Variants in PSME4 observed in about 807,000 individuals in gnomAD.
The protein encoded by PSME4 is proteasome activator complex subunit 4.
In PSME4, 89 loss-of-function variants were observed where a neutral mutation model predicts 253.9. The ratio of observed to expected loss-of-function variants is 0.35; its 90% CI spans 0.30 to 0.42. PSME4 has a LOEUF of 0.42. PSME4 is among the 10% of genes least tolerant of loss of function. The pLI is 1.00. For synonymous variants in PSME4, 851 were observed against 759.2 expected, an observed-to-expected ratio of 1.12 and a Z score of -1.99; for missense variants, 2,014 against 2,195.2, an observed-to-expected ratio of 0.92 and a Z score of 1.65.
chr2:53,931,732 C>T lies in PSME4; in HGVS notation c.1316+103G>A, dbSNP rs1174635937. On this transcript the variant is annotated intron_variant, in intron 10 of 46. Transcript: ENST00000404125. ...CTTCTCCTCTAGGAACAGGAATAAG[C>T]ATCGAAGAAGCAAAACAGAAGCCAC... 4.0e-6 allele frequency: 5 copies of T among 1,236,354 alleles called. No homozygotes were observed. In the East Asian group the frequency reaches 9.5e-5, roughly 23 times the overall value. 76.6% of individuals were successfully genotyped at this position (1,236,354 alleles called of 1,614,324 possible).
Position 53,906,604 on chromosome 2 carries a change from G to A in PSME4, c.2937C>T (p.Tyr979=). The change falls in exon 26 of 47, where the codon TAC becomes TAT. Residue 979 remains tyrosine (Y), a synonymous_variant. Transcript: ENST00000404125. ...GCGTTTGGATAAGCCTTACCTGACT[G>A]TATGAACTTGTAGATAAACGAAGAA... The part of the protein sequence containing the change: ...RDLLRLSTSS[Y]SQVRNKAQQT... The A allele has an allele frequency of 6.3e-7, 1 of 1,583,546 alleles. No homozygotes were observed.
At position 53,904,057 on chromosome 2, in the gene PSME4, C is replaced by A. The variant is rs1191714055; in HGVS notation, c.3043G>T (p.Asp1015Tyr). The A allele has an allele frequency of 6.2e-7, 1 of 1,613,588 alleles. No individual in the cohort carries two copies. The highest frequency in any genetic ancestry group is 2.2e-5 in the East Asian group (1 of 44,810). Residue 1015 changes from aspartate (D) to tyrosine (Y), a missense_variant, in exon 27 of 47, where the codon GAT becomes TAT. This residue lies in a region of PSME4 where 989 missense variants were observed against 1,021.1 expected (regional missense o/e 0.97). Transcript: ENST00000404125. ...TGTTGCTGTGTAACACCTTGTCTAT[C>A]AGGCCTTAAGAACTCCAAAACCAAG... ...IPLVLEFLRP[D>Y]RQGVTQQQFK...
In PSME4 at chr2:53,970,668, G is replaced by C. The variant is rs1026631602; in HGVS notation, c.117C>G (p.Pro39=). Reference sequence around the variant, plus strand: ...ACTCGGCGTCTAGCCGCTCCGCGTAGGGCAGCAGCTTGTTGTAGACGATCT... The same window carrying C: ...ACTCGGCGTCTAGCCGCTCCGCGTACGGCAGCAGCTTGTTGTAGACGATCT... ...QKEIVYNKLL[P]YAERLDAESD... The change falls in exon 1 of 47, where the codon CCC becomes CCG. Residue 39 remains proline (P), a synonymous_variant. Coordinates refer to ENST00000404125, the MANE Select transcript of PSME4 (RefSeq NM_014614.3). 2 of 1,550,282 alleles carry C rather than the reference G, an allele frequency of 1.3e-6. No homozygotes were observed. Among genetic ancestry groups the C allele is most frequent in the Non-Finnish European group, 1.7e-6 (2 of 1,146,902 alleles).
chr2:53,925,808 G>A (rs1668532114), intron 13 of PSME4, 119 bp from the exon 14 acceptor site: 14 of 1,261,368 alleles, frequency 1.1e-5, no homozygotes, highest in East Asian at 9.4e-5. Context: ...TAATTTCTAC[G>A]TGGTTCACAA....
intron 36 of PSME4, 142 bp from the exon 37 acceptor site, chr2:53,890,350 A>G (rs1324909416): frequency 1.6e-6 from 1 of 620,798 alleles, no homozygotes. Context: ...GCTATTGCCC[A>G]GGCTGGAGTG....
chr2:53,970,392 G>T (rs2104498437), intron 1 of PSME4, 151 bp downstream of exon 1: 2 of 1,332,038 alleles, frequency 1.5e-6, no homozygotes, highest in Non-Finnish European at 2.0e-6. Flanking sequence ...GTACTTCACA[G>T]GCTCTGTCAC....
At chr2:53,894,307 T>G (rs138448341) in intron 34 of PSME4, among the ~76,000 whole-genome samples, 4 of 152,210 alleles carry the variant, frequency 2.6e-5, no homozygotes. Context: ...GGTCTCACTC[T>G]GTCATCCAGG....
intron 36 of PSME4, among the ~76,000 whole-genome samples, chr2:53,891,873 A>G (rs1056659949): frequency 2.0e-5 from 3 of 147,872 alleles, no homozygotes; most frequent in African/African-American, 5.0e-5. Flanking sequence ...AAAAAAAAAA[A>G]GAGAAGACAG....
In PSME4 at chr2:53,953,881, C is replaced by T. The variant is rs562784102; in HGVS notation, c.243-4598G>A. 3.3e-5 allele frequency among the ~76,000 whole-genome samples: 5 copies of T among 152,284 alleles called. No homozygotes were observed. The South Asian group carries it at 1.0e-3, about 32-fold the overall frequency. On this transcript the variant is annotated intron_variant, in intron 1 of 46. Transcript: ENST00000404125. ...ATTGATATAGAATATTTCTTTCAACCATCCAGAATATATGGATAACAAGTC... is the reference window on the plus strand; with the variant it reads ...ATTGATATAGAATATTTCTTTCAACTATCCAGAATATATGGATAACAAGTC...
At chr2:53,908,480 C>G in intron 23 of PSME4, 30 bp downstream of exon 23, 1 of 1,609,560 alleles carries the variant, frequency 6.2e-7, no homozygotes, top group East Asian at 2.2e-5. Context: ...TCGTATTAAT[C>G]ATTATGCAAC....
intron 14 of PSME4, 103 bp from the exon 15 acceptor site, chr2:53,923,522 A>T (rs1462182120): frequency 7.4e-7 from 1 of 1,359,206 alleles, no homozygotes; most frequent in Admixed American, 3.3e-5. Context: ...TTCCAAAAAT[A>T]AGCCCATAGG....
In PSME4 at chr2:53,940,002, T is replaced by TG. The variant is rs746576134; in HGVS notation, c.501-3dup. 648 of 1,567,738 alleles carry TG rather than the reference T, an allele frequency of 4.1e-4. No individual in the cohort carries two copies. Among genetic ancestry groups the TG allele is most frequent in the African/African-American group, 9.4e-4 (69 of 73,670 alleles). ...GTTTTGAGAATATTTTCTACAGAACTGGGGGGGGAAAGCCATTTGATAATT... is the reference window on the plus strand; with the variant it reads ...GTTTTGAGAATATTTTCTACAGAACTGGGGGGGGGAAAGCCATTTGATAATT... On this transcript the variant is annotated splice_region_variant and splice_polypyrimidine_tract_variant and intron_variant, in intron 3 of 46. Coordinates refer to ENST00000404125, the MANE Select transcript of PSME4 (RefSeq NM_014614.3).
chr2:53,913,444 G>A (rs780968331), intron 20 of PSME4, among the ~76,000 whole-genome samples: 2 of 152,150 alleles, frequency 1.3e-5, no homozygotes, highest in Non-Finnish European at 1.5e-5. Flanking sequence ...AAGGCTGGGC[G>A]AATTGTCATG....
chr2:53,960,490 T>A (rs1017650630), intron 1 of PSME4, among the ~76,000 whole-genome samples: 1 of 151,450 alleles, frequency 6.6e-6, no homozygotes, highest in East Asian at 2.0e-4. Context: ...AATAACAGAA[T>A]AAAATGTTGT....
chr2:53,893,192 C>T (rs1057284486), intron 35 of PSME4, among the ~76,000 whole-genome samples: 3 of 151,862 alleles, frequency 2.0e-5, no homozygotes, highest in Non-Finnish European at 2.9e-5. Context: ...AAGTATCACA[C>T]CTCAAAAAAA....
intron 36 of PSME4, among the ~76,000 whole-genome samples, chr2:53,891,550 GA>G (rs902808057): frequency 1.6e-5 from 2 of 128,342 alleles, no homozygotes; most frequent in Non-Finnish European, 1.7e-5. Context: ...AAAAAATTTT[GA>G]ATTTTTTTTT....
intron 41 of PSME4, among the ~76,000 whole-genome samples, chr2:53,882,920 AG>A (rs1679464235): frequency 6.6e-6 from 1 of 151,818 alleles, no homozygotes; most frequent in Non-Finnish European, 1.5e-5. Flanking sequence ...TAAATAAATA[AG>A]ATAAATATAA....
intron 1 of PSME4, among the ~76,000 whole-genome samples, chr2:53,970,009 C>T (rs1195227407): frequency 6.6e-6 from 1 of 152,126 alleles, no homozygotes; most frequent in Non-Finnish European, 1.5e-5. Context: ...TCTGAGAGGG[C>T]CCCCAAAAAG....
At chr2:53,948,708 C>A (rs1055495919) in intron 2 of PSME4, among the ~76,000 whole-genome samples, 171 bp from the exon 3 acceptor site, 25 of 152,256 alleles carry the variant, frequency 1.6e-4, no homozygotes, top group African/African-American at 6.0e-4. Context: ...AATAATGCAC[C>A]CAATTCTTGC....
Sources: allele counts gnomAD v4.1 joint callset (sites outside exome capture counted in the v4.1 genomes callset), GRCh38; gene constraint gnomAD v4.1.1; regional missense constraint gnomAD v4.1.1; transcripts MANE v1.5; gene names NCBI Gene and HGNC (gene_info 2026-07-23, HGNC 2026-07-21).